Variants in IFT81 observed in about 807,000 individuals in gnomAD.
The protein encoded by IFT81 is intraflagellar transport protein 81 homolog.
IFT81 carries 72 observed loss-of-function variants against 102.6 expected under a neutral mutation model. The observed-to-expected ratio is 0.70, with a 90% CI of 0.58 to 0.85. The LOEUF (loss-of-function observed/expected upper bound fraction) is 0.85, where lower values mean the gene tolerates loss of function less well. Among genes scored for constraint, IFT81 ranks in the 40% least tolerant of loss-of-function variants. IFT81 has a pLI of 0.00. For synonymous variants in IFT81, 237 were observed against 242.7 expected (o/e 0.98, Z 0.22); for missense variants, 723 against 787.3 (o/e 0.92, Z 0.98).
intron 12 of IFT81, among the ~76,000 whole-genome samples, chr12:110,185,997 A>G (rs986796033): frequency 6.6e-6 from 1 of 151,840 alleles, no homozygotes; most frequent in Non-Finnish European, 1.5e-5. Context: ...TTCCTTCATC[A>G]TTGTTCTTCT....
intron 4 of IFT81, 71 bp from the exon 5 acceptor site, chr12:110,132,474 AAG>A: frequency 4.8e-5 from 31 of 648,728 alleles, no homozygotes; most frequent in Non-Finnish European, 6.1e-5. Flanking sequence ...AAAAAAAAAA[AAG>A]AAAGAAAGAA....
chr12:110,142,949 C>G (rs115360055), intron 8 of IFT81, among the ~76,000 whole-genome samples: 3,574 of 151,816 alleles, frequency 0.024, 141 homozygotes, highest in African/African-American at 0.081. Context: ...TAAAAGTATT[C>G]CAAAAGAAAA....
chr12:110,151,311 C>T lies in IFT81; in HGVS notation c.1041+4263C>T, dbSNP rs374242939. On this transcript the variant is annotated intron_variant, in intron 10 of 18. Transcript: ENST00000242591. ...CTTGTCATTGGCTTCTTTCACTTAG[C>T]GTAACATTTTTAAAGTCCATCCATG... 1.7e-3 allele frequency among the ~76,000 whole-genome samples: 266 copies of T among 152,236 alleles called. 1 individual carries two copies. The highest frequency in any genetic ancestry group is 6.8e-3 in the Middle Eastern group (2 of 294).
In IFT81 at chr12:110,132,581, A is replaced by G. The variant is rs758129986; in HGVS notation, c.464A>G (p.His155Arg). 5 of 1,578,872 alleles carry G rather than the reference A, an allele frequency of 3.2e-6. No individual in the cohort carries two copies. The highest frequency in any genetic ancestry group is 4.3e-6 in the Non-Finnish European group (5 of 1,153,514). The change falls in exon 5 of 19, where the codon CAT becomes CGT. Residue 155 changes from histidine to arginine, a missense_variant. Coordinates refer to ENST00000242591, the MANE Select transcript of IFT81 (RefSeq NM_014055.4). ...TTAATGGAAGCCTTTAAAACTTTGCATAAAGAATATGAGCAGCTCAAGATA... is the reference window on the plus strand; with the variant it reads ...TTAATGGAAGCCTTTAAAACTTTGCGTAAAGAATATGAGCAGCTCAAGATA... ...EELMEAFKTL[H>R]KEYEQLKISG...
rs141965732 is a variant in IFT81, at chr12:110,144,533, C to T, written c.945+988C>T. 3.0e-3 allele frequency among the ~76,000 whole-genome samples: 442 copies of T among 148,820 alleles called. 22 individuals carry two copies. In the East Asian group the frequency reaches 0.087, roughly 29 times the overall value. On this transcript the variant is annotated intron_variant, in intron 9 of 18. Transcript: ENST00000242591. ...CCAGGACTTGTTTTGTTTTTTGAGA[C>T]GGAGTCTTGCTCTGTTGCCTAGACT...
At chr12:110,148,544 C>T (rs182440649) in intron 10 of IFT81, among the ~76,000 whole-genome samples, 5 of 151,578 alleles carry the variant, frequency 3.3e-5, no homozygotes, top group African/African-American at 4.8e-5. Flanking sequence ...GGTGCGATCT[C>T]GGCTCACTGC....
chr12:110,146,588 A>G (rs545261410), intron 9 of IFT81, among the ~76,000 whole-genome samples: 26 of 152,222 alleles, frequency 1.7e-4, no homozygotes, highest in Non-Finnish European at 3.5e-4. Flanking sequence ...TATGTCATGA[A>G]ATGTAAATTG....
At chr12:110,193,190 A>C (rs1897870523) in intron 14 of IFT81, among the ~76,000 whole-genome samples, 1 of 151,950 alleles carries the variant, frequency 6.6e-6, no homozygotes, top group Non-Finnish European at 1.5e-5. Flanking sequence ...AATGACTTGC[A>C]AGGGTTTTTG....
chr12:110,169,080 C>CCTTCCT lies in IFT81; in HGVS notation c.1188+6017_1188+6018insTCCTCT, dbSNP rs1486860230. On this transcript the variant is annotated intron_variant, in intron 11 of 18. Transcript: ENST00000242591. ...TCCTTCCTTCCTTCCTTCCTTCCTT[C>CCTTCCT]CTCTCTCTCTCTCTTTCTTTCTTTC... The CCTTCCT allele has an allele frequency of 6.0e-3, 666 of 110,142 alleles. 9 individuals carry two copies. The highest frequency in any genetic ancestry group is 0.02 in the African/African-American group (619 of 30,842). 6.8% of individuals were successfully genotyped at this position (110,142 alleles called of 1,614,324 possible).
At chr12:110,174,345 C>T (rs1896947033) in intron 11 of IFT81, among the ~76,000 whole-genome samples, 1 of 139,228 alleles carries the variant, frequency 7.2e-6, no homozygotes, top group South Asian at 2.3e-4. Flanking sequence ...ATCCCAGCTA[C>T]TTAGGAGGCT....
chr12:110,132,024 T>C (rs1894193625), intron 4 of IFT81, among the ~76,000 whole-genome samples: 1 of 151,954 alleles, frequency 6.6e-6, no homozygotes, highest in Non-Finnish European at 1.5e-5. Context: ...TAACCAGAAA[T>C]GAAGATAGAG....
chr12:110,217,228 A>G (rs2137625113), intron 18 of IFT81, among the ~76,000 whole-genome samples: 1 of 152,074 alleles, frequency 6.6e-6, no homozygotes, highest in African/African-American at 2.4e-5. Flanking sequence ...TATTTTTAGT[A>G]GAGATAGGGT....
chr12:110,211,175 C>CTTTT (rs796140785), intron 18 of IFT81, among the ~76,000 whole-genome samples: 40 of 102,130 alleles, frequency 3.9e-4, no homozygotes, highest in East Asian at 8.8e-4. Flanking sequence ...ATTAGGCTTT[C>CTTTT]TTTTTTTTTT....
intron 14 of IFT81, chr12:110,203,264 TCAAA>T (rs534393676): frequency 5.9e-5 from 9 of 153,280 alleles, no homozygotes; most frequent in Non-Finnish European, 1.3e-4. Flanking sequence ...AGACTCCGTC[TCAAA>T]CAAACAAACA....
chr12:110,160,270 AAG>A (rs1420340453), intron 10 of IFT81, among the ~76,000 whole-genome samples: 1 of 152,220 alleles, frequency 6.6e-6, no homozygotes, highest in Non-Finnish European at 1.5e-5. Flanking sequence ...AAGCTGGAGA[AAG>A]AGAAAATCCA....
intron 17 of IFT81, among the ~76,000 whole-genome samples, chr12:110,207,203 G>C (rs1868754927): frequency 1.3e-5 from 2 of 151,934 alleles, no homozygotes; most frequent in Admixed American, 1.3e-4. Flanking sequence ...GCTAATTTTT[G>C]TTATTTGTAT....
At chr12:110,154,819 G>C (rs1593308520) in intron 10 of IFT81, among the ~76,000 whole-genome samples, 1 of 151,930 alleles carries the variant, frequency 6.6e-6, no homozygotes, top group East Asian at 1.9e-4. Context: ...GTCTCACTCT[G>C]TCACCCAGGC....
intron 15 of IFT81, 85 bp downstream of exon 15, chr12:110,204,035 C>A: frequency 1.2e-6 from 1 of 828,372 alleles, no homozygotes; most frequent in South Asian, 1.5e-5. Flanking sequence ...GAGGCTGAAG[C>A]AGGAGGATTG....
intron 11 of IFT81, among the ~76,000 whole-genome samples, chr12:110,169,573 A>G (rs1358702554): frequency 6.6e-6 from 1 of 152,134 alleles, no homozygotes; most frequent in Non-Finnish European, 1.5e-5. Context: ...TTCTTCAGTA[A>G]TGGAGCAGCC....
Sources: allele counts gnomAD v4.1 joint callset (sites outside exome capture counted in the v4.1 genomes callset), GRCh38; gene constraint gnomAD v4.1.1; transcripts MANE v1.5; gene names NCBI Gene and HGNC (gene_info 2026-07-23, HGNC 2026-07-21).